ELP2: variants seen among roughly 807,000 people sequenced by gnomAD.
ELP2 encodes elongator complex protein 2.
ELP2 carries 90 observed loss-of-function variants against 119.2 expected under a neutral mutation model. The ratio of observed to expected loss-of-function variants is 0.75; its 90% CI spans 0.64 to 0.90. The LOEUF (loss-of-function observed/expected upper bound fraction) is 0.90, where lower values mean the gene tolerates loss of function less well. ELP2 is among the 40% of genes least tolerant of loss of function. ELP2 has a pLI of 0.00. For missense variants in ELP2, 921 were observed against 967.8 expected (o/e 0.95, Z 0.64); for synonymous variants, 339 against 331.0 (o/e 1.02, Z -0.26).
In ELP2 at chr18:36,154,840, TC is replaced by T. The variant is rs2090510625; in HGVS notation, c.1126-8del. 2 of 1,614,020 alleles carry T rather than the reference TC, an allele frequency of 1.2e-6. No homozygotes were observed. Among genetic ancestry groups the T allele is most frequent in the African/African-American group, 1.3e-5 (1 of 75,044 alleles). ...TATTTTGATATGTGATATGAGCACT[TC>T]CATTGCAGAGAGAGTGGACTCCAGA... is the stretch of plus-strand genomic sequence containing the variant. On this transcript the variant is annotated splice_polypyrimidine_tract_variant and intron_variant, in intron 11 of 21. Coordinates refer to ENST00000358232, the MANE Select transcript of ELP2 (RefSeq NM_018255.4).
rs2091262091 is a variant in ELP2, at chr18:36,177,904, TA to T, written c.*3267del. 1 of 152,204 alleles carries T rather than the reference TA, an allele frequency of 6.6e-6. No individual in the cohort carries two copies. Among genetic ancestry groups the T allele is most frequent in the Non-Finnish European group, 1.5e-5 (1 of 68,026 alleles). The allele number at this position is 152,204 out of a possible 1,614,324, so 9.4% of individuals were successfully genotyped here. On this transcript the variant is annotated 3_prime_UTR_variant, in exon 22 of 22. Transcript: ENST00000358232. ...ACTTCAGAGTCCCAAAGCCTTTAAA[TA>T]AAATGTTAATGGTAGAAACTCCTTA... is the stretch of plus-strand genomic sequence containing the variant.
At chr18:36,169,924 C>A in intron 19 of ELP2, 139 bp from the exon 20 acceptor site, 1 of 1,107,704 alleles carries the variant, frequency 9.0e-7, no homozygotes. Context: ...AGTCCTGGCA[C>A]ACCATACACG....
chr18:36,173,454 C>T (rs1303757687), intron 21 of ELP2, among the ~76,000 whole-genome samples: 2 of 152,232 alleles, frequency 1.3e-5, no homozygotes, highest in African/African-American at 2.4e-5. Flanking sequence ...GTGCTTTCAA[C>T]AGTCAGATTC....
In ELP2 at chr18:36,167,909, G is replaced by T. The variant is rs760761303; in HGVS notation, c.2076+687G>T. Among the ~76,000 whole-genome samples the T allele has an allele frequency of 2.0e-5, 3 of 152,172 alleles. No individual in the cohort carries two copies. The East Asian group carries it at 5.8e-4, about 30-fold the overall frequency. On this transcript the variant is annotated intron_variant, in intron 19 of 21. Transcript: ENST00000358232. ...CCAGGCTGGTCCCAAACTCCTGGGC[G>T]CAAGCAGTCCTCCCACTTTGGCCTC...
rs151015515 is a variant in ELP2, at chr18:36,163,616, A to G, written c.1762-859A>G. 6.0e-3 allele frequency among the ~76,000 whole-genome samples: 918 copies of G among 152,144 alleles called. 9 individuals carry two copies. The highest frequency in any genetic ancestry group is 0.021 in the African/African-American group (862 of 41,514). On this transcript the variant is annotated intron_variant, in intron 17 of 21. Coordinates refer to ENST00000358232, the MANE Select transcript of ELP2 (RefSeq NM_018255.4). ...TGCCTTTAGACCTATGATACTTTCA[A>G]ATTAACTCTTGTATTTGTCATGGAG...
intron 12 of ELP2, 110 bp downstream of exon 12, chr18:36,155,109 T>C: frequency 1.2e-6 from 1 of 853,760 alleles, no homozygotes; most frequent in East Asian, 2.6e-5. Context: ...GCCACCCAGG[T>C]TCAAGCGATT....
At chr18:36,130,897 G>C (rs1450852291) in intron 1 of ELP2, among the ~76,000 whole-genome samples, 2 of 152,136 alleles carry the variant, frequency 1.3e-5, no homozygotes, top group African/African-American at 4.8e-5. Context: ...GGCCAGGAGC[G>C]TGTCTCATGT....
At chr18:36,131,772 A>G (rs1249374443) in intron 1 of ELP2, among the ~76,000 whole-genome samples, 1 of 152,198 alleles carries the variant, frequency 6.6e-6, no homozygotes, top group Non-Finnish European at 1.5e-5. Context: ...TCAGCTGTAG[A>G]ATCCCATCTT....
At position 36,177,547 on chromosome 18, in the gene ELP2, C is replaced by T. The variant is rs1223982821; in HGVS notation, c.*2906C>T. On this transcript the variant is annotated 3_prime_UTR_variant, in exon 22 of 22. Transcript: ENST00000358232. Reference sequence around the variant, plus strand: ...TAATGGGTATAGTGTTTCAGTTTTGCAAGATAAAAAGTCCTGTGGATTGGT... The same window carrying T: ...TAATGGGTATAGTGTTTCAGTTTTGTAAGATAAAAAGTCCTGTGGATTGGT... 2 of 152,050 alleles carry T rather than the reference C, an allele frequency of 1.3e-5. No individual in the cohort carries two copies. The highest frequency in any genetic ancestry group is 3.9e-4 in the East Asian group (2 of 5,194). 9.4% of individuals were successfully genotyped at this position (152,050 alleles called of 1,614,324 possible).
intron 21 of ELP2, among the ~76,000 whole-genome samples, chr18:36,172,593 T>C (rs1201937494): frequency 2.0e-5 from 3 of 152,220 alleles, no homozygotes; most frequent in African/African-American, 7.2e-5. Context: ...GTTTGTGCTG[T>C]TGGCTTGCTG....
intron 1 of ELP2, among the ~76,000 whole-genome samples, chr18:36,130,273 G>C (rs2089558126): frequency 6.6e-6 from 1 of 152,178 alleles, no homozygotes; most frequent in African/African-American, 2.4e-5. Context: ...CACGCGTGGC[G>C]TCATCCTAGG....
chr18:36,146,166 TTAAC>T, intron 10 of ELP2, 80 bp from the exon 11 acceptor site: 2 of 1,591,500 alleles, frequency 1.3e-6, no homozygotes, highest in East Asian at 4.5e-5. Context: ...TAGTGGGAAT[TTAAC>T]AGTCTCTGGA....
chr18:36,155,034 G>A, intron 12 of ELP2, 35 bp downstream of exon 12: 1 of 1,572,186 alleles, frequency 6.4e-7, no homozygotes, highest in Non-Finnish European at 8.7e-7. Context: ...ATTTTTTCTT[G>A]GGACAGAGTT....
rs1447566930 is a variant in ELP2, at chr18:36,158,865, G to A, written c.1495G>A (p.Val499Ile). 2 of 1,611,296 alleles carry A rather than the reference G, an allele frequency of 1.2e-6. No individual in the cohort carries two copies. Among genetic ancestry groups the A allele is most frequent in the Non-Finnish European group, 8.5e-7 (1 of 1,177,606 alleles). Residue 499 changes from valine to isoleucine, a missense_variant, in exon 14 of 22, where the codon GTC becomes ATC. By Grantham distance (29) the Val-to-Ile change is conservative. Transcript: ENST00000358232. ...QDSDLPEGAT[V>I]PALGLSNKAV... The stretch of plus-strand genomic sequence containing the variant: ...TAGTGATCTTCCAGAAGGAGCCACT[G>A]TCCCTGCATTGGGATTATCAAATAA...
At position 36,136,298 on chromosome 18, in the gene ELP2, T is replaced by G. The variant is rs1462042778; in HGVS notation, c.218-9T>G. 6.2e-7 allele frequency: 1 copy of G among 1,604,818 alleles called. No homozygotes were observed. The highest frequency in any genetic ancestry group is 8.5e-7 in the Non-Finnish European group (1 of 1,171,620). On this transcript the variant is annotated splice_polypyrimidine_tract_variant and intron_variant, in intron 2 of 21. Coordinates refer to ENST00000358232, the MANE Select transcript of ELP2 (RefSeq NM_018255.4). ...ATAAAGATATTTACTGAGATATAATTTTTTTCAGCCCCTTCTACTGAATTA... is the reference window on the plus strand; with the variant it reads ...ATAAAGATATTTACTGAGATATAATGTTTTTCAGCCCCTTCTACTGAATTA...
intron 5 of ELP2, among the ~76,000 whole-genome samples, chr18:36,140,608 A>C (rs1365544948): frequency 6.6e-6 from 1 of 152,142 alleles, no homozygotes; most frequent in Admixed American, 6.5e-5. Context: ...CAGCCTCCCA[A>C]AGGATAACGC....
At chr18:36,172,779 T>G (rs1383410697) in intron 21 of ELP2, among the ~76,000 whole-genome samples, 1 of 152,212 alleles carries the variant, frequency 6.6e-6, no homozygotes, top group Non-Finnish European at 1.5e-5. Context: ...CCTTAGAAAG[T>G]GCAGGAAGGG....
chr18:36,166,063 C>T (rs1282436458), intron 18 of ELP2, among the ~76,000 whole-genome samples: 1 of 151,668 alleles, frequency 6.6e-6, no homozygotes, highest in Non-Finnish European at 1.5e-5. Flanking sequence ...CATGGTGGTG[C>T]ATGCCTGTAA....
intron 1 of ELP2, among the ~76,000 whole-genome samples, chr18:36,130,367 T>C (rs556800853): frequency 6.6e-6 from 1 of 152,252 alleles, no homozygotes; most frequent in African/African-American, 2.4e-5. Flanking sequence ...AAGCCTTCCT[T>C]GGGAACTGTA....
Sources: allele counts gnomAD v4.1 joint callset (sites outside exome capture counted in the v4.1 genomes callset), GRCh38; gene constraint gnomAD v4.1.1; transcripts MANE v1.5; gene names NCBI Gene and HGNC (gene_info 2026-07-23, HGNC 2026-07-21).